PDE4B: variants seen among roughly 807,000 people sequenced by gnomAD.
The protein encoded by PDE4B is 3',5'-cyclic-AMP phosphodiesterase 4B.
Under a neutral mutation model 82.2 loss-of-function variants are expected in PDE4B, and 20 were observed. The observed-to-expected ratio is 0.24, with a 90% confidence interval of 0.17 to 0.35. The LOEUF (loss-of-function observed/expected upper bound fraction) is 0.35. Ranked by LOEUF, PDE4B falls within the 10% of genes least tolerant of loss-of-function variation. The probability of loss-of-function intolerance (pLI) is 1.00; values close to 1 mark genes in which losing one functional copy is unlikely to be tolerated. For synonymous variants in PDE4B, 320 were observed against 318.9 expected (o/e 1.00, Z -0.04); for missense variants, 655 against 907.2 (o/e 0.72, Z 3.57).
At chr1:65,821,434 T>C (rs1268361128) in intron 1 of PDE4B, among the ~76,000 whole-genome samples, 2 of 152,222 alleles carry the variant, frequency 1.3e-5, no homozygotes, top group African/African-American at 4.8e-5. Context: ...TCCTGGAAAG[T>C]AGCATAGATT....
chr1:66,150,715 C>A (rs1256445028), intron 3 of PDE4B, among the ~76,000 whole-genome samples: 3 of 152,108 alleles, frequency 2.0e-5, no homozygotes, highest in Admixed American at 6.6e-5. Flanking sequence ...TCCATTATAT[C>A]CCTACTTTGT....
At chr1:65,953,182 A>G (rs1443926110) in intron 3 of PDE4B, among the ~76,000 whole-genome samples, 2 of 152,072 alleles carry the variant, frequency 1.3e-5, no homozygotes, top group African/African-American at 4.8e-5. Context: ...TTTGGGAAAC[A>G]TCAGGCCCAT....
chr1:66,216,144 G>T (rs953776455), intron 3 of PDE4B, among the ~76,000 whole-genome samples: 12 of 151,448 alleles, frequency 7.9e-5, no homozygotes, highest in African/African-American at 2.4e-4. Context: ...GTGTCGGTGA[G>T]GGTATTTCTG....
rs112422887 is a variant in PDE4B at position 66,126,086 on chromosome 1, G to A, written c.282-121374G>A. Among the ~76,000 whole-genome samples, 7 of 152,298 alleles carry A rather than the reference G, an allele frequency of 4.6e-5. No individual in the cohort carries two copies. The East Asian group carries it at 5.8e-4, about 13-fold the overall frequency. On this transcript the variant is annotated intron_variant, in intron 3 of 16. Transcript: ENST00000341517. ...CTCCCAAAGTGTTGGGATTACAGGC[G>A]TGAGCCACTGCGCCCACCCAACATT...
intron 3 of PDE4B, among the ~76,000 whole-genome samples, chr1:66,088,046 G>C (rs1239494371): frequency 6.6e-6 from 1 of 151,844 alleles, no homozygotes; most frequent in Non-Finnish European, 1.5e-5. Context: ...ATAAAAAAAA[G>C]TTTACGGCAA....
intron 3 of PDE4B, among the ~76,000 whole-genome samples, chr1:65,933,678 A>AG (rs1351849249): frequency 2.0e-5 from 3 of 152,200 alleles, no homozygotes; most frequent in Non-Finnish European, 4.4e-5. Flanking sequence ...CTAAAAAAAA[A>AG]AAAAGTGGAG....
intron 3 of PDE4B, among the ~76,000 whole-genome samples, chr1:66,091,456 A>T (rs1645023201): frequency 6.6e-6 from 1 of 152,106 alleles, no homozygotes. Context: ...AATGTTAATG[A>T]CACTAATAAA....
chr1:66,294,620 G>A (rs1012352010), intron 7 of PDE4B, among the ~76,000 whole-genome samples: 1 of 152,134 alleles, frequency 6.6e-6, no homozygotes, highest in Non-Finnish European at 1.5e-5. Context: ...AAAGAAATAA[G>A]CAATAAATCT....
chr1:65,929,122 G>T (rs1647686896), intron 3 of PDE4B, among the ~76,000 whole-genome samples: 1 of 152,178 alleles, frequency 6.6e-6, no homozygotes, highest in Non-Finnish European at 1.5e-5. Flanking sequence ...CTTTAGTCTA[G>T]TTATAGGTCT....
chr1:66,049,745 A>G (rs115080563), intron 3 of PDE4B, among the ~76,000 whole-genome samples: 24 of 152,164 alleles, frequency 1.6e-4, no homozygotes, highest in Non-Finnish European at 3.4e-4. Context: ...GAATGTATAA[A>G]TGTGGAAGGC....
At chr1:65,868,294 C>T (rs183832023) in intron 1 of PDE4B, among the ~76,000 whole-genome samples, 29 of 152,236 alleles carry the variant, frequency 1.9e-4, no homozygotes, top group African/African-American at 4.3e-4. Flanking sequence ...TACTATGTTC[C>T]GGGCTCAGGG....
At chr1:66,162,131 A>G (rs1226509570) in intron 3 of PDE4B, among the ~76,000 whole-genome samples, 1 of 151,926 alleles carries the variant, frequency 6.6e-6, no homozygotes, top group African/African-American at 2.4e-5. Context: ...CTGAGGATCT[A>G]CGGAAGCTCC....
chr1:65,899,975 A>G (rs1015297496), intron 1 of PDE4B, among the ~76,000 whole-genome samples: 4 of 152,196 alleles, frequency 2.6e-5, no homozygotes, highest in African/African-American at 9.6e-5. Flanking sequence ...ACAAATCACC[A>G]CTAAAGAACT....
chr1:65,851,279 C>G (rs968267914), intron 1 of PDE4B, among the ~76,000 whole-genome samples: 1 of 152,046 alleles, frequency 6.6e-6, no homozygotes, highest in African/African-American at 2.4e-5. Flanking sequence ...TTTTTCAAAA[C>G]AGTTTTTGCT....
At chr1:66,295,363 T>G (rs907447649) in intron 7 of PDE4B, among the ~76,000 whole-genome samples, 8 of 152,208 alleles carry the variant, frequency 5.3e-5, no homozygotes. Flanking sequence ...GAAATAATAC[T>G]TACCTTTACT....
intron 3 of PDE4B, among the ~76,000 whole-genome samples, chr1:65,997,054 G>T (rs576174465): frequency 2.6e-5 from 4 of 151,950 alleles, no homozygotes; most frequent in African/African-American, 9.7e-5. Context: ...AACTTCAGTC[G>T]TCAGTTCTCT....
chr1:66,120,223 TG>T (rs1454977988), intron 3 of PDE4B, among the ~76,000 whole-genome samples: 2 of 152,194 alleles, frequency 1.3e-5, no homozygotes, highest in Non-Finnish European at 2.9e-5. Flanking sequence ...TAAACTTCCC[TG>T]ATCTTTCTAG....
At chr1:66,245,847 A>G (rs948813919) in intron 3 of PDE4B, among the ~76,000 whole-genome samples, 1 of 152,180 alleles carries the variant, frequency 6.6e-6, no homozygotes, top group South Asian at 2.1e-4. Context: ...GCTTCTGTGA[A>G]TGGTCTCTGG....
chr1:66,230,152 T>A (rs1191146433), intron 3 of PDE4B, among the ~76,000 whole-genome samples: 1 of 152,190 alleles, frequency 6.6e-6, no homozygotes. Flanking sequence ...GCAGCCCCTG[T>A]CCTAGGCTCT....
Sources: allele counts gnomAD v4.1 joint callset (sites outside exome capture counted in the v4.1 genomes callset), GRCh38; gene constraint gnomAD v4.1.1; transcripts MANE v1.5; gene names NCBI Gene and HGNC (gene_info 2026-07-23, HGNC 2026-07-21).